PCDH9: variants seen among roughly 807,000 people sequenced by gnomAD.
PCDH9 encodes the protein protocadherin 9, also known as protocadherin-9.
A neutral mutation model predicts 70.6 loss-of-function variants in PCDH9; 24 were observed. The ratio of observed to expected loss-of-function variants is 0.34; its 90% CI spans 0.25 to 0.48. The LOEUF is 0.48. Ranked by LOEUF, PCDH9 falls within the 20% of genes least tolerant of loss-of-function variation. The pLI is 0.99. For missense variants in PCDH9, 1,281 were observed against 1,503.6 expected, an observed-to-expected ratio of 0.85 and a Z score of 2.45; for synonymous variants, 562 against 558.5, an observed-to-expected ratio of 1.01 and a Z score of -0.09.
chr13:67,141,010 A>G (rs1159688187), intron 2 of PCDH9, among the ~76,000 whole-genome samples: 1 of 152,088 alleles, frequency 6.6e-6, no homozygotes, highest in East Asian at 1.9e-4. Context: ...ATTGGAAGCT[A>G]TCTTTTCAGC....
At chr13:66,537,769 T>C (rs1960770363) in intron 4 of PCDH9, among the ~76,000 whole-genome samples, 1 of 152,120 alleles carries the variant, frequency 6.6e-6, no homozygotes, top group African/African-American at 2.4e-5. Flanking sequence ...ATTTGATCAC[T>C]GAGTAACTCA....
In PCDH9 at chr13:67,227,118, G is replaced by A. The variant is rs2089896460; in HGVS notation, c.1323C>T (p.Ala441=). The change falls in exon 2 of 5, where the codon GCC becomes GCT. Residue 441 remains alanine, a synonymous_variant. Transcript: ENST00000377865. This position sits in a 1 kb window ranked among gnomAD's most constrained non-coding sequence, Gnocchi z 4.6. ...TTAAACTGGGCTTCCCAGAATCAGA[G>A]GCAACAATTTTAAAGCTGAATTCTT... ...GTKEFSFKIV[A]SDSGKPSLNQ... 2 of 1,613,810 alleles carry A rather than the reference G, an allele frequency of 1.2e-6. No individual in the cohort carries two copies. Among genetic ancestry groups the A allele is most frequent in the Non-Finnish European group, 1.7e-6 (2 of 1,179,884 alleles).
chr13:66,613,660 T>C (rs1342605039), intron 4 of PCDH9, among the ~76,000 whole-genome samples: 1 of 152,204 alleles, frequency 6.6e-6, no homozygotes, highest in African/African-American at 2.4e-5. Flanking sequence ...GTTAGATATC[T>C]GCATGTTCTC....
intron 2 of PCDH9, among the ~76,000 whole-genome samples, chr13:67,160,865 G>A (rs1247728553): frequency 6.6e-6 from 1 of 152,154 alleles, no homozygotes; most frequent in East Asian, 1.9e-4. Flanking sequence ...CACACCTTTT[G>A]AATTAATGTG....
intron 3 of PCDH9, among the ~76,000 whole-genome samples, chr13:66,835,100 T>C (rs2080993431): frequency 6.6e-6 from 1 of 152,250 alleles, no homozygotes; most frequent in South Asian, 2.1e-4. Flanking sequence ...TGGTATGTCC[T>C]GAGGACTGAC....
chr13:66,729,343 A>T (rs2079043000), intron 3 of PCDH9, among the ~76,000 whole-genome samples: 1 of 152,170 alleles, frequency 6.6e-6, no homozygotes, highest in Non-Finnish European at 1.5e-5. Flanking sequence ...TACTACAGTT[A>T]GTACAATAGA....
intron 2 of PCDH9, among the ~76,000 whole-genome samples, chr13:66,969,554 G>A (rs1198511615): frequency 2.0e-5 from 3 of 151,884 alleles, no homozygotes; most frequent in Non-Finnish European, 4.4e-5. Context: ...TGACTTTCTT[G>A]CCCAGCACTT....
intron 3 of PCDH9, among the ~76,000 whole-genome samples, chr13:66,747,025 A>G (rs2079377243): frequency 1.3e-5 from 2 of 152,216 alleles, no homozygotes; most frequent in African/African-American, 4.8e-5. Context: ...TGTATCTATA[A>G]TGGAATAAGA....
intron 2 of PCDH9, among the ~76,000 whole-genome samples, chr13:67,014,035 T>C (rs1461294942): frequency 1.3e-5 from 2 of 152,092 alleles, no homozygotes; most frequent in African/African-American, 4.8e-5. Flanking sequence ...TTCAAGGTGT[T>C]TAAAAACAGA....
intron 2 of PCDH9, among the ~76,000 whole-genome samples, chr13:67,129,164 C>T (rs1209032233): frequency 1.3e-5 from 2 of 151,972 alleles, no homozygotes; most frequent in Non-Finnish European, 2.9e-5. Flanking sequence ...TCTTCCACAT[C>T]GTTGTAAAGT....
chr13:66,642,540 C>T (rs1234771369), intron 3 of PCDH9, among the ~76,000 whole-genome samples: 4 of 151,960 alleles, frequency 2.6e-5, no homozygotes, highest in Admixed American at 2.6e-4. Flanking sequence ...AGTAACACCA[C>T]TAGATTTTTT....
chr13:66,926,032 T>C (rs1002849798), intron 2 of PCDH9, among the ~76,000 whole-genome samples: 3 of 152,018 alleles, frequency 2.0e-5, no homozygotes, highest in Admixed American at 6.6e-5. Flanking sequence ...TCCTCACGTA[T>C]TTCACATTGC....
Position 67,227,833 on chromosome 13 carries a change from T to A in PCDH9, c.608A>T (p.Gln203Leu), listed in dbSNP as rs2089916847. The change falls in exon 2 of 5, where the codon CAA becomes CTA. Residue 203 changes from glutamine (Q) to leucine (L), a missense_variant. Coordinates refer to ENST00000377865, the MANE Select transcript of PCDH9 (RefSeq NM_203487.3). This position sits in a 1 kb window ranked among gnomAD's most constrained non-coding sequence, Gnocchi z 4.6. ...VETPEGEKWPQLIVQQNLDRE... is the reference protein window; with the variant it reads ...VETPEGEKWPLLIVQQNLDRE... ...ATCCAAGTTTTGCTGAACAATCAGT[T>A]GTGGCCACTTCTCTCCCTCTGGAGT... is the stretch of plus-strand genomic sequence containing the variant. The A allele has an allele frequency of 6.2e-7, 1 of 1,613,992 alleles. No individual in the cohort carries two copies. Among genetic ancestry groups the A allele is most frequent in the African/African-American group, 1.3e-5 (1 of 74,930 alleles).
At chr13:66,756,550 AG>A (rs2079540911) in intron 3 of PCDH9, among the ~76,000 whole-genome samples, 1 of 143,532 alleles carries the variant, frequency 7.0e-6, no homozygotes. Flanking sequence ...AGCCTTTTGT[AG>A]GATAATCTTT....
At chr13:66,797,379 T>C (rs1302058607) in intron 3 of PCDH9, among the ~76,000 whole-genome samples, 1 of 152,158 alleles carries the variant, frequency 6.6e-6, no homozygotes, top group Non-Finnish European at 1.5e-5. Flanking sequence ...ATATGTAGGA[T>C]TCCAATTAGA....
chr13:66,502,470 G>T (rs1236668429), intron 4 of PCDH9, among the ~76,000 whole-genome samples: 1 of 151,980 alleles, frequency 6.6e-6, no homozygotes, highest in Non-Finnish European at 1.5e-5. Context: ...AAACACACAA[G>T]TGATATATTC....
At chr13:66,766,236 G>A (rs576710709) in intron 3 of PCDH9, among the ~76,000 whole-genome samples, 1 of 151,880 alleles carries the variant, frequency 6.6e-6, no homozygotes, top group South Asian at 2.1e-4. Flanking sequence ...GACAAGAGTA[G>A]ACAGCAGTAG....
intron 2 of PCDH9, among the ~76,000 whole-genome samples, chr13:67,027,554 C>A (rs867065835): frequency 1.8e-3 from 276 of 151,124 alleles, no homozygotes; most frequent in Middle Eastern, 0.017. Context: ...CAACAAAAGC[C>A]AAAATTGACA....
At chr13:67,189,584 C>T (rs983156042) in intron 2 of PCDH9, among the ~76,000 whole-genome samples, 4 of 151,736 alleles carry the variant, frequency 2.6e-5, no homozygotes, top group South Asian at 2.1e-4. Flanking sequence ...AGAAACCTGC[C>T]TGATAAAATT....
Sources: allele counts gnomAD v4.1 joint callset (sites outside exome capture counted in the v4.1 genomes callset), GRCh38; gene constraint gnomAD v4.1.1; non-coding constraint Gnocchi (gnomAD v3.1); transcripts MANE v1.5; gene names NCBI Gene and HGNC (gene_info 2026-07-23, HGNC 2026-07-21).